The following KAZN variants were observed in gnomAD, a reference collection of about 807,000 sequenced individuals.
KAZN encodes kazrin, periplakin interacting protein, also known as kazrin.
A neutral mutation model predicts 87.4 loss-of-function variants in KAZN; 40 were observed. The observed-to-expected ratio is 0.46, with a 90% confidence interval of 0.36 to 0.60. The LOEUF is 0.60. Ranked by LOEUF, KAZN falls within the 20% of genes least tolerant of loss-of-function variation. The probability of loss-of-function intolerance (pLI) is 0.00; values close to 1 mark genes in which losing one functional copy is unlikely to be tolerated. For synonymous variants in KAZN, 466 were observed against 458.3 expected (o/e 1.02, Z -0.22); for missense variants, 898 against 1,073.9 (o/e 0.84, Z 2.29).
intron 1 of KAZN, among the ~76,000 whole-genome samples, chr1:14,114,104 A>G (rs1176573873): frequency 6.6e-6 from 1 of 152,238 alleles, no homozygotes; most frequent in Admixed American, 6.5e-5. Flanking sequence ...TCAGCCTTTT[A>G]GAAACGCTGA....
chr1:14,807,939 A>C (rs1572536526), intron 1 of KAZN, among the ~76,000 whole-genome samples: 3 of 152,318 alleles, frequency 2.0e-5, no homozygotes, highest in South Asian at 4.2e-4. Flanking sequence ...GTGGAGGAGC[A>C]GAGCAGATCA....
intron 11 of KAZN, among the ~76,000 whole-genome samples, chr1:15,102,027 G>C (rs923982721): frequency 6.6e-6 from 1 of 152,060 alleles, no homozygotes. Context: ...TATTGGGCAC[G>C]GGCCAGGCGC....
chr1:14,199,019 A>G (rs1489749310), intron 2 of KAZN, among the ~76,000 whole-genome samples: 2 of 152,160 alleles, frequency 1.3e-5, no homozygotes, highest in African/African-American at 4.8e-5. Context: ...GGTTTGAGAG[A>G]TAGTCTGGAA....
intron 2 of KAZN, among the ~76,000 whole-genome samples, chr1:14,278,528 A>G (rs193074819): frequency 6.6e-5 from 10 of 151,898 alleles, no homozygotes; most frequent in Non-Finnish European, 1.5e-4. Context: ...GACCTCAGGT[A>G]ATCCACCTGC....
In KAZN at chr1:15,114,954, G is replaced by C. The variant is rs1641791295; in HGVS notation, c.*319G>C. The C allele has an allele frequency of 4.8e-6, 1 of 208,994 alleles. No individual in the cohort carries two copies. The highest frequency in any genetic ancestry group is 5.5e-5 in the Admixed American group (1 of 18,164). 12.9% of individuals were successfully genotyped at this position (208,994 alleles called of 1,614,324 possible). The stretch of plus-strand genomic sequence containing the variant: ...TCAGAGTGACCGTCACTGTGGAGCA[G>C]CCAAGCAGTCCCTGGAGCCTTAAAC... On this transcript the variant is annotated 3_prime_UTR_variant, in exon 15 of 15. Transcript: ENST00000376030.
intron 1 of KAZN, among the ~76,000 whole-genome samples, chr1:14,165,331 C>T (rs1233464423): frequency 1.3e-5 from 2 of 151,830 alleles, no homozygotes; most frequent in Non-Finnish European, 2.9e-5. Context: ...TGTGTCTACT[C>T]CACTCCCTGC....
Position 14,982,214 on chromosome 1 carries a change from C to T in KAZN, c.418+21339C>T, listed in dbSNP as rs143055857. 2.4e-4 allele frequency among the ~76,000 whole-genome samples: 33 copies of T among 136,152 alleles called. No individual in the cohort carries two copies. In the East Asian group the frequency reaches 6.1e-3, roughly 25 times the overall value. The allele number at this position is 136,152 out of a possible 152,430, so 89.3% of individuals were successfully genotyped here. Reference sequence around the variant, plus strand: ...AAGTGGAGGAGCCGGGTCAGCACTCCGGCCGTTCCAGCCCGCGATCCACAC... The same window carrying T: ...AAGTGGAGGAGCCGGGTCAGCACTCTGGCCGTTCCAGCCCGCGATCCACAC... On this transcript the variant is annotated intron_variant, in intron 2 of 14. Transcript: ENST00000376030.
chr1:14,380,186 G>A (rs1661253970), intron 2 of KAZN, among the ~76,000 whole-genome samples: 1 of 152,224 alleles, frequency 6.6e-6, no homozygotes, highest in Non-Finnish European at 1.5e-5. Flanking sequence ...CCCTAATGCA[G>A]ATATGACTTA....
In KAZN at chr1:13,945,679, TTGTGTGTG is replaced by T. The variant is rs60728794; in HGVS notation, c.91+51948_91+51955del. Reference sequence around the variant, plus strand: ...TTTTTAAATGACATTTGCTCTCAGTTTGTGTGTGTGTGTGTGTGTGTGTGTGTGTGTGA... The same window carrying T: ...TTTTTAAATGACATTTGCTCTCAGTTTGTGTGTGTGTGTGTGTGTGTGTGA... On this transcript the variant is annotated intron_variant, in intron 1 of 16. Transcript: ENST00000636203. Among the ~76,000 whole-genome samples, 271 of 123,400 alleles carry T rather than the reference TTGTGTGTG, an allele frequency of 2.2e-3. 1 individual carries two copies. The highest frequency in any genetic ancestry group is 6.5e-3 in the South Asian group (23 of 3,522). 81.0% of individuals were successfully genotyped at this position (123,400 alleles called of 152,430 possible).
intron 2 of KAZN, among the ~76,000 whole-genome samples, chr1:14,489,746 A>C (rs1046038559): frequency 6.8e-6 from 1 of 147,144 alleles, no homozygotes; most frequent in Non-Finnish European, 1.5e-5. Flanking sequence ...AAATAATAAT[A>C]ATAATAATAA....
intron 2 of KAZN, among the ~76,000 whole-genome samples, chr1:14,561,644 G>A (rs1252820238): frequency 6.6e-6 from 1 of 152,142 alleles, no homozygotes; most frequent in Non-Finnish European, 1.5e-5. Flanking sequence ...GCTCGCACCT[G>A]TAATCCCAGC....
chr1:14,984,070 G>C (rs967626066), intron 2 of KAZN, among the ~76,000 whole-genome samples: 2 of 152,156 alleles, frequency 1.3e-5, no homozygotes, highest in Non-Finnish European at 2.9e-5. Context: ...TGTGATTACA[G>C]AGTAGAGCAA....
chr1:14,901,057 A>G (rs1655827650), intron 1 of KAZN, among the ~76,000 whole-genome samples: 1 of 152,192 alleles, frequency 6.6e-6, no homozygotes, highest in African/African-American at 2.4e-5. Flanking sequence ...GTCCTCAGGG[A>G]GCTTACTGTG....
At chr1:14,015,888 C>T (rs143385374) in intron 1 of KAZN, among the ~76,000 whole-genome samples, 119 of 152,058 alleles carry the variant, frequency 7.8e-4, no homozygotes, top group African/African-American at 2.7e-3. Context: ...AATGAAAACT[C>T]AACTTGAGGC....
At chr1:14,473,951 T>G (rs1244321329) in intron 2 of KAZN, among the ~76,000 whole-genome samples, 1 of 152,222 alleles carries the variant, frequency 6.6e-6, no homozygotes, top group Non-Finnish European at 1.5e-5. Context: ...AGTTGCACCC[T>G]CTTGCCCTGT....
At chr1:15,078,922 C>T (rs558471467) in intron 8 of KAZN, among the ~76,000 whole-genome samples, 6 of 152,296 alleles carry the variant, frequency 3.9e-5, no homozygotes, top group African/African-American at 1.4e-4. Context: ...CAATGCTGCT[C>T]GTAAATGTGT....
chr1:14,429,772 ATCG>A (rs1665940771), intron 2 of KAZN, among the ~76,000 whole-genome samples: 3 of 152,144 alleles, frequency 2.0e-5, no homozygotes, highest in African/African-American at 4.8e-5. Context: ...CGTCATCATC[ATCG>A]TCATCATCCC....
intron 1 of KAZN, among the ~76,000 whole-genome samples, chr1:13,961,100 T>C (rs1457129369): frequency 6.6e-6 from 1 of 152,188 alleles, no homozygotes; most frequent in East Asian, 1.9e-4. Context: ...GAGCCCCTTT[T>C]TCCCACCTCC....
At chr1:14,253,121 GAA>G (rs57180691) in intron 2 of KAZN, among the ~76,000 whole-genome samples, 50,755 of 122,212 alleles carry the variant, frequency 0.42, 9,129 homozygotes, top group Admixed American at 0.52. Context: ...AGAAAAAAGA[GAA>G]AAAAAAAAAA....
Sources: allele counts gnomAD v4.1 joint callset (sites outside exome capture counted in the v4.1 genomes callset), GRCh38; gene constraint gnomAD v4.1.1; transcripts MANE v1.5; gene names NCBI Gene and HGNC (gene_info 2026-07-23, HGNC 2026-07-21).